IRAG2: variants seen among roughly 807,000 people sequenced by gnomAD.
The protein encoded by IRAG2 is lymphoid restricted membrane protein.
A neutral mutation model predicts 69.9 loss-of-function variants in IRAG2; 45 were observed. The ratio of observed to expected loss-of-function variants is 0.64; its 90% CI spans 0.51 to 0.83. The LOEUF (loss-of-function observed/expected upper bound fraction) is 0.83, where lower values mean the gene tolerates loss of function less well. Among genes scored for constraint, IRAG2 ranks in the 40% least tolerant of loss-of-function variants. IRAG2 has a pLI of 0.00. For missense variants in IRAG2, 520 were observed against 587.0 expected (o/e 0.89, Z 1.18); for synonymous variants, 193 against 202.4 (o/e 0.95, Z 0.40).
At chr12:25,039,580 G>A (rs859199) in intron 16 of IRAG2, among the ~76,000 whole-genome samples, 75,194 of 151,870 alleles carry the variant, frequency 0.5, 18,937 homozygotes, top group Admixed American at 0.57. Flanking sequence ...ACAGGCGCCC[G>A]CCACCACGCC....
At chr12:25,015,301 G>A (rs1178535760) in intron 4 of IRAG2, 18 of 1,229,766 alleles carry the variant, frequency 1.5e-5, no homozygotes, top group African/African-American at 4.7e-5. Context: ...GTTTTCTTAC[G>A]GTTTGTAGAA....
chr12:25,029,556 A>T (rs1013095372), intron 9 of IRAG2, among the ~76,000 whole-genome samples: 1 of 152,206 alleles, frequency 6.6e-6, no homozygotes, highest in African/African-American at 2.4e-5. Flanking sequence ...ATATTTATTC[A>T]TTCTATAATA....
At chr12:25,079,555 G>A (rs1947055551) in intron 8 of IRAG2, 93 bp downstream of exon 8, 1 of 1,317,528 alleles carries the variant, frequency 7.6e-7, no homozygotes, top group South Asian at 1.2e-5. Context: ...GAGCAAATGA[G>A]AAGAACATAG....
At chr12:25,059,582 G>A (rs762824167) in intron 1 of IRAG2, among the ~76,000 whole-genome samples, 4 of 152,062 alleles carry the variant, frequency 2.6e-5, no homozygotes, top group African/African-American at 7.2e-5. Flanking sequence ...TCGAACTCCC[G>A]ACCTCAGGTG....
At chr12:25,056,075 T>C (rs2139921646) in intron 1 of IRAG2, among the ~76,000 whole-genome samples, 1 of 152,320 alleles carries the variant, frequency 6.6e-6, no homozygotes, top group African/African-American at 2.4e-5. Context: ...ATGAACTTCC[T>C]AGTTTAGAGG....
rs180888474 is a variant in IRAG2 at position 25,007,570 on chromosome 12, G to A, written c.688+2216G>A. Among the ~76,000 whole-genome samples, 11 of 152,188 alleles carry A rather than the reference G, an allele frequency of 7.2e-5. No homozygotes were observed. The East Asian group carries it at 1.3e-3, about 19-fold the overall frequency. On this transcript the variant is annotated intron_variant, in intron 2 of 38. Coordinates refer to the IRAG2 transcript ENST00000636465. ...GAGTCTCACTCTTGTCACCTAGGCC[G>A]GAGTGCAGTGGTGTGATCTTGGCTC...
chr12:25,104,183 T>C (rs1948905259), intron 19 of IRAG2, 125 bp downstream of exon 19: 6 of 913,510 alleles, frequency 6.6e-6, no homozygotes, highest in Non-Finnish European at 8.4e-6. Flanking sequence ...ACAGAATAAT[T>C]ATATAAATTG....
In IRAG2 at chr12:25,054,886, T is replaced by A. The variant is rs546616299; in HGVS notation, c.-447+1930T>A. Among the ~76,000 whole-genome samples the A allele has an allele frequency of 1.2e-4, 18 of 152,328 alleles. No individual in the cohort carries two copies. The South Asian group carries it at 3.7e-3, about 32-fold the overall frequency. On this transcript the variant is annotated intron_variant, in intron 1 of 21. Coordinates refer to ENST00000556887, the MANE Select transcript of IRAG2 (RefSeq NM_001366544.2). The stretch of plus-strand genomic sequence containing the variant: ...TGTTCTATATAGCAGATGTTCCAGA[T>A]AGACTGCAAACAAATGTCAATGACT...
At chr12:25,005,463 G>C (rs1157368685) in intron 2 of IRAG2, 10 of 441,544 alleles carry the variant, frequency 2.3e-5, no homozygotes, top group Admixed American at 4.4e-5. Context: ...CATTGTCTGC[G>C]TCTACATATG....
At chr12:25,094,895 A>G (rs1300246993) in intron 14 of IRAG2, among the ~76,000 whole-genome samples, 1 of 152,138 alleles carries the variant, frequency 6.6e-6, no homozygotes, top group Non-Finnish European at 1.5e-5. Context: ...GTGTAGAAAG[A>G]CAACTAATTT....
chr12:25,096,686 G>C (rs557814729), intron 14 of IRAG2, among the ~76,000 whole-genome samples: 5 of 152,074 alleles, frequency 3.3e-5, no homozygotes, highest in Non-Finnish European at 5.9e-5. Context: ...AAGGGATCAA[G>C]AATAGACATA....
intron 9 of IRAG2, chr12:25,030,265 C>A: frequency 8.1e-7 from 1 of 1,231,288 alleles, no homozygotes; most frequent in Non-Finnish European, 1.0e-6. Context: ...TCCCTAAATT[C>A]GTCTCTTTTC....
At chr12:25,035,928 G>T (rs1031517808) in intron 14 of IRAG2, 1 of 396,448 alleles carries the variant, frequency 2.5e-6, no homozygotes, top group Admixed American at 4.4e-5. Flanking sequence ...AAAAGCGAAG[G>T]TTTTTCTCAA....
chr12:25,017,743 CTT>C (rs1402557156), intron 6 of IRAG2, among the ~76,000 whole-genome samples: 3 of 151,032 alleles, frequency 2.0e-5, no homozygotes, highest in Non-Finnish European at 4.4e-5. Context: ...AAAAAAAAAA[CTT>C]GAGTATATTC....
At chr12:25,045,848 T>TAAAAAAAA (rs71063392) in intron 16 of IRAG2, among the ~76,000 whole-genome samples, 6 of 131,568 alleles carry the variant, frequency 4.6e-5, no homozygotes, top group Non-Finnish European at 3.3e-5. Flanking sequence ...AAATAAAAGA[T>TAAAAAAAA]AAAAAAAAAA....
chr12:25,014,484 A>G lies in IRAG2; in HGVS notation c.897-698A>G, dbSNP rs569996866. Among the ~76,000 whole-genome samples the G allele has an allele frequency of 6.4e-4, 97 of 152,210 alleles. 1 individual carries two copies. The South Asian group carries it at 7.0e-3, about 11-fold the overall frequency. On this transcript the variant is annotated intron_variant, in intron 3 of 38. Coordinates refer to the IRAG2 transcript ENST00000636465. Reference sequence around the variant, plus strand: ...GTTGAATTTTGTGGCTATTCCAGAGAGAAGCTTGAGGATTTGGTGCTTAGG... The same window carrying G: ...GTTGAATTTTGTGGCTATTCCAGAGGGAAGCTTGAGGATTTGGTGCTTAGG...
intron 14 of IRAG2, among the ~76,000 whole-genome samples, chr12:25,095,593 G>T (rs1565583631): frequency 6.6e-6 from 1 of 152,014 alleles, no homozygotes; most frequent in Non-Finnish European, 1.5e-5. Flanking sequence ...AGAGATATTG[G>T]TCTGTAGTTT....
rs1206099817 is a variant in IRAG2 at position 25,079,751 on chromosome 12, A to G, written c.232A>G (p.Ile78Val). The G allele has an allele frequency of 6.2e-7, 1 of 1,611,704 alleles. No individual in the cohort carries two copies. The highest frequency in any genetic ancestry group is 1.1e-5 in the South Asian group (1 of 91,052). Residue 78 changes from isoleucine to valine, a missense_variant, in exon 9 of 22, where the codon ATA becomes GTA. Transcript: ENST00000556887. ...EEDTRSASPT[I>V]EAQGTSPAHD... ...GGATACAAGATCAGCTTCTCCCACGATAGAGGCCCAAGGTAAAATGTTGAC... is the reference window on the plus strand; with the variant it reads ...GGATACAAGATCAGCTTCTCCCACGGTAGAGGCCCAAGGTAAAATGTTGAC...
chr12:25,093,597 T>G (rs952078907), intron 14 of IRAG2: 2 of 153,440 alleles, frequency 1.3e-5, no homozygotes, highest in Non-Finnish European at 2.9e-5. Context: ...GAGCTTCTTT[T>G]TGCTTCTTTT....
Sources: allele counts gnomAD v4.1 joint callset (sites outside exome capture counted in the v4.1 genomes callset), GRCh38; gene constraint gnomAD v4.1.1; transcripts MANE v1.5; gene names NCBI Gene and HGNC (gene_info 2026-07-23, HGNC 2026-07-21).